PKHD1: variants seen among roughly 807,000 people sequenced by gnomAD.
PKHD1 encodes fibrocystin.
Under a neutral mutation model 412.0 loss-of-function variants are expected in PKHD1, and 291 were observed. That is an observed-to-expected ratio of 0.71 (90% CI 0.64 to 0.78). PKHD1 has a LOEUF of 0.78. Ranked by LOEUF, PKHD1 falls within the 30% of genes least tolerant of loss-of-function variation. PKHD1 has a pLI of 0.00. For missense variants in PKHD1, 4,825 were observed against 4,950.7 expected, an observed-to-expected ratio of 0.97 and a Z score of 0.76; for synonymous variants, 1,777 against 1,821.5, an observed-to-expected ratio of 0.98 and a Z score of 0.62.
At chr6:52,030,442 A>AAC in intron 29 of PKHD1, among the ~76,000 whole-genome samples, 1 of 152,314 alleles carries the variant, frequency 6.6e-6, no homozygotes, top group Non-Finnish European at 1.5e-5. Flanking sequence ...TCTTGACCGC[A>AAC]TGTCTTCCCA....
intron 35 of PKHD1, among the ~76,000 whole-genome samples, chr6:52,000,578 T>C (rs12212158): frequency 0.091 from 13,827 of 152,258 alleles, 644 homozygotes; most frequent in South Asian, 0.12. Context: ...GGACTACCTT[T>C]TGTCTGTCAT....
chr6:51,633,683 A>G (rs1768198288), intron 64 of PKHD1, among the ~76,000 whole-genome samples: 1 of 152,188 alleles, frequency 6.6e-6, no homozygotes, highest in Non-Finnish European at 1.5e-5. Context: ...ATAACACTGT[A>G]GAAAAGACAA....
chr6:51,972,939 A>G (rs1180539208), intron 35 of PKHD1, among the ~76,000 whole-genome samples: 1 of 152,250 alleles, frequency 6.6e-6, no homozygotes, highest in Admixed American at 6.5e-5. Context: ...GCAATCTGAT[A>G]GGAACCCTCC....
intron 60 of PKHD1, among the ~76,000 whole-genome samples, chr6:51,694,948 TA>T (rs11317601): frequency 0.98 from 149,218 of 152,064 alleles, 73,277 homozygotes; most frequent in East Asian, 1. Flanking sequence ...GCACTGACTA[TA>T]AAAAAAATTG....
At chr6:51,714,437 C>T (rs929108287) in intron 60 of PKHD1, among the ~76,000 whole-genome samples, 1 of 152,090 alleles carries the variant, frequency 6.6e-6, no homozygotes, top group African/African-American at 2.4e-5. Context: ...GAACACTCAC[C>T]TTTCTTACAT....
At chr6:51,925,382 T>G (rs1583403845) in intron 37 of PKHD1, among the ~76,000 whole-genome samples, 1 of 152,214 alleles carries the variant, frequency 6.6e-6, no homozygotes, top group East Asian at 1.9e-4. Flanking sequence ...ATTTTGCGCA[T>G]CAACTTGACT....
intron 37 of PKHD1, among the ~76,000 whole-genome samples, chr6:51,914,114 C>G (rs1317187435): frequency 6.6e-6 from 1 of 151,900 alleles, no homozygotes; most frequent in African/African-American, 2.4e-5. Flanking sequence ...GATCAGTATT[C>G]ACAATTCTCA....
At chr6:51,672,346 C>T (rs949592441) in intron 60 of PKHD1, among the ~76,000 whole-genome samples, 5 of 152,174 alleles carry the variant, frequency 3.3e-5, no homozygotes, top group African/African-American at 1.2e-4. Context: ...CTCAACCCCA[C>T]ACCACTTATG....
chr6:51,870,540 C>A lies in PKHD1; in HGVS notation c.7450G>T (p.Ala2484Ser), dbSNP rs560461855. Residue 2484 changes from alanine (A) to serine (S), a missense_variant, in exon 47 of 67, where the codon GCC becomes TCC. Transcript: ENST00000371117. ...FVNFDLINCV[A>S]IRTCSDCSQG... Reference sequence around the variant, plus strand: ...GAACAGTCTGAACAGGTTCTAATGGCCACACAGTTGATGAGATCAAAATTA... The same window carrying A: ...GAACAGTCTGAACAGGTTCTAATGGACACACAGTTGATGAGATCAAAATTA... 4.3e-6 allele frequency: 7 copies of A among 1,612,142 alleles called. No individual in the cohort carries two copies. The South Asian group carries it at 5.5e-5, about 13-fold the overall frequency.
At chr6:51,656,510 A>G (rs1231411031) in intron 61 of PKHD1, among the ~76,000 whole-genome samples, 1 of 152,136 alleles carries the variant, frequency 6.6e-6, no homozygotes, top group Non-Finnish European at 1.5e-5. Flanking sequence ...AAACATGGTG[A>G]TGGAAACTTA....
chr6:51,778,283 G>A (rs1791395718), intron 53 of PKHD1, among the ~76,000 whole-genome samples: 1 of 152,110 alleles, frequency 6.6e-6, no homozygotes, highest in African/African-American at 2.4e-5. Flanking sequence ...ATTAAACCTG[G>A]GCAAATTTAT....
chr6:51,794,929 T>C (rs1794362424), intron 52 of PKHD1, among the ~76,000 whole-genome samples: 1 of 152,190 alleles, frequency 6.6e-6, no homozygotes, highest in Admixed American at 6.5e-5. Flanking sequence ...GTTTGGTTAC[T>C]GTAGCCCTGC....
Position 51,724,320 on chromosome 6 carries a change from C to T in PKHD1, c.10156+20065G>A, listed in dbSNP as rs376441103. On this transcript the variant is annotated intron_variant, in intron 60 of 66. Transcript: ENST00000371117. ...ATCTAGTCTTTGAGACCACGTACTCCCCCTAGAAATCATTTACTACTCCTC... is the reference window on the plus strand; with the variant it reads ...ATCTAGTCTTTGAGACCACGTACTCTCCCTAGAAATCATTTACTACTCCTC... Among the ~76,000 whole-genome samples, 160 of 152,196 alleles carry T rather than the reference C, an allele frequency of 1.1e-3. 1 individual carries two copies. Among genetic ancestry groups the T allele is most frequent in the African/African-American group, 3.6e-3 (150 of 41,534 alleles).
At chr6:51,642,350 G>C (rs1769476384) in intron 63 of PKHD1, among the ~76,000 whole-genome samples, 1 of 152,140 alleles carries the variant, frequency 6.6e-6, no homozygotes, top group African/African-American at 2.4e-5. Context: ...ATGGACTATG[G>C]GTTAGAAATG....
Position 52,046,112 on chromosome 6 carries a change from G to A in PKHD1, c.2484C>T (p.Tyr828=). 2 of 1,613,378 alleles carry A rather than the reference G, an allele frequency of 1.2e-6. No individual in the cohort carries two copies. The highest frequency in any genetic ancestry group is 1.7e-6 in the Non-Finnish European group (2 of 1,179,328). ...QNNADDFTSR[Y]LNASDFTVKE... The stretch of plus-strand genomic sequence containing the variant: ...TCACAGTGAAGTCACTGGCATTGAG[G>A]TACCTGGATGTGAAGTCATCGGCAT... Residue 828 remains tyrosine (Y), a synonymous_variant, in exon 24 of 67, where the codon TAC becomes TAT. Transcript: ENST00000371117.
intron 50 of PKHD1, among the ~76,000 whole-genome samples, chr6:51,838,055 T>G (rs1769545112): frequency 6.6e-6 from 1 of 152,198 alleles, no homozygotes; most frequent in Non-Finnish European, 1.5e-5. Flanking sequence ...TGTCATTTCC[T>G]TTTTTTAAAA....
At chr6:52,047,427 A>T (rs1275752610) in intron 23 of PKHD1, among the ~76,000 whole-genome samples, 1 of 152,036 alleles carries the variant, frequency 6.6e-6, no homozygotes, top group Non-Finnish European at 1.5e-5. Context: ...CCATGTTCCA[A>T]CTTTTATACA....
chr6:51,948,878 C>G (rs995297360), intron 36 of PKHD1, among the ~76,000 whole-genome samples: 13 of 152,082 alleles, frequency 8.5e-5, no homozygotes, highest in Non-Finnish European at 1.5e-4. Flanking sequence ...CAACGAAGAG[C>G]CTTAAGAACT....
intron 60 of PKHD1, among the ~76,000 whole-genome samples, chr6:51,723,075 CAGGGAGAAA>C (rs1229649132): frequency 6.6e-6 from 1 of 152,146 alleles, no homozygotes; most frequent in Non-Finnish European, 1.5e-5. Flanking sequence ...CATCCTAAAA[CAGGGAGAAA>C]AGATATTGTC....
Sources: allele counts gnomAD v4.1 joint callset (sites outside exome capture counted in the v4.1 genomes callset), GRCh38; gene constraint gnomAD v4.1.1; transcripts MANE v1.5; gene names NCBI Gene and HGNC (gene_info 2026-07-23, HGNC 2026-07-21).